Variants in TRMT1 observed in about 807,000 individuals in gnomAD.
TRMT1 encodes the protein tRNA (guanine(26)-N(2))-dimethyltransferase.
A neutral mutation model predicts 75.4 loss-of-function variants in TRMT1; 63 were observed. That is an observed-to-expected ratio of 0.84 (90% CI 0.68 to 1.03). The LOEUF (loss-of-function observed/expected upper bound fraction) is 1.03. Ranked by LOEUF, TRMT1 falls within the 50% of genes least tolerant of loss-of-function variation. TRMT1 has a pLI of 0.00. For synonymous variants in TRMT1, 382 were observed against 358.1 expected (o/e 1.07, Z -0.75); for missense variants, 870 against 905.3 (o/e 0.96, Z 0.50).
At chr19:13,114,016 T>G (rs1032644480) in intron 5 of TRMT1, among the ~76,000 whole-genome samples, 1 of 152,226 alleles carries the variant, frequency 6.6e-6, no homozygotes, top group South Asian at 2.1e-4. Flanking sequence ...AATGCTTGAT[T>G]ACAGGCATGA....
chr19:13,109,728 A>G, intron 10 of TRMT1, 41 bp downstream of exon 10: 1 of 1,613,960 alleles, frequency 6.2e-7, no homozygotes, highest in Admixed American at 1.7e-5. Context: ...TATGACCTTC[A>G]AGACCCTCTT....
At position 13,107,627 on chromosome 19, in the gene TRMT1, C is replaced by T; in HGVS notation, c.1530G>A (p.Arg510=). 1 of 1,608,400 alleles carries T rather than the reference C, an allele frequency of 6.2e-7. No individual in the cohort carries two copies. ...RCWEKECPVK[R]ERLSETSPAF... Reference sequence around the variant, plus strand: ...CTGGGCTAGTCTCTGATAGTCGCTCCCGTTTCACCGGACATTCCTTCTCCT... The same window carrying T: ...CTGGGCTAGTCTCTGATAGTCGCTCTCGTTTCACCGGACATTCCTTCTCCT... The change falls in exon 14 of 17, where the codon CGG becomes CGA. Residue 510 remains arginine (R), a synonymous_variant. Transcript: ENST00000357720.
In TRMT1 at chr19:13,109,763, C is replaced by T; in HGVS notation, c.1176+6G>A. 6.2e-7 allele frequency: 1 copy of T among 1,614,136 alleles called. No individual in the cohort carries two copies. Among genetic ancestry groups the T allele is most frequent in the Non-Finnish European group, 8.5e-7 (1 of 1,180,026 alleles). On this transcript the variant is annotated splice_donor_region_variant and intron_variant, in intron 10 of 16. Transcript: ENST00000357720. The stretch of plus-strand genomic sequence containing the variant: ...TGCTCCTTTGCCTCCCCTGGCCTAG[C>T]CCTACCTGGTGTCGTTGCCCACAGT...
At chr19:13,115,211 G>A (rs1599958599) in intron 5 of TRMT1, 68 bp downstream of exon 5, 4 of 1,510,442 alleles carry the variant, frequency 2.6e-6, no homozygotes, top group Non-Finnish European at 3.6e-6. Context: ...GAGTGAGAAT[G>A]TGACAGAGCC....
chr19:13,108,944 CAG>C (rs1191782829), intron 12 of TRMT1, among the ~76,000 whole-genome samples: 1 of 122,724 alleles, frequency 8.1e-6, no homozygotes, highest in Non-Finnish European at 1.6e-5. Flanking sequence ...TTTAAAGAGA[CAG>C]GGTCTCATTT....
chr19:13,110,348 A>T, intron 7 of TRMT1, 42 bp from the exon 8 acceptor site: 2 of 1,542,568 alleles, frequency 1.3e-6, no homozygotes, highest in Non-Finnish European at 1.8e-6. Flanking sequence ...TCCACTATCC[A>T]CCCACCCCAC....
At chr19:13,109,337 C>A (rs370228200) in intron 12 of TRMT1, 44 bp downstream of exon 12, 16 of 1,606,142 alleles carry the variant, frequency 1.0e-5, no homozygotes, top group Middle Eastern at 2.2e-4. Flanking sequence ...CCCAGGCCAC[C>A]CTGTGGTCTG....
chr19:13,112,049 G>A (rs373555290), intron 7 of TRMT1, among the ~76,000 whole-genome samples: 3 of 151,260 alleles, frequency 2.0e-5, no homozygotes, highest in African/African-American at 4.9e-5. Context: ...GGCGTGCAGC[G>A]GAGTGATCTT....
Position 13,105,034 on chromosome 19 carries a change from C to A in TRMT1, c.1881G>T (p.Pro627=). The A allele has an allele frequency of 6.2e-7, 1 of 1,609,936 alleles. No individual in the cohort carries two copies. The highest frequency in any genetic ancestry group is 8.5e-7 in the Non-Finnish European group (1 of 1,177,728). ...GDQCCYSHSP[P]TPRVSADAAP... ...CAGCATCAGCAGAAACCCTGGGTGT[C>A]GGGGGGCTGTGGGAGTAGCAGCACT... The change falls in exon 17 of 17, where the codon CCG becomes CCT. Residue 627 remains proline, a synonymous_variant. Transcript: ENST00000357720.
chr19:13,112,243 C>T (rs536075467), intron 7 of TRMT1, among the ~76,000 whole-genome samples: 2 of 152,128 alleles, frequency 1.3e-5, no homozygotes, highest in African/African-American at 4.8e-5. Flanking sequence ...CCTGCCTAGG[C>T]CTCCCAAAGT....
In TRMT1 at chr19:13,109,689, G is replaced by A; in HGVS notation, c.1177-5C>T. The A allele has an allele frequency of 3.7e-6, 6 of 1,613,890 alleles. No homozygotes were observed. The highest frequency in any genetic ancestry group is 5.1e-6 in the Non-Finnish European group (6 of 1,179,994). ...TGCCCACATGGGGCCACCAAGCTGG[G>A]GGCGCACCGGGGACAGGTGAGCAGG... On this transcript the variant is annotated splice_polypyrimidine_tract_variant and splice_region_variant and intron_variant, in intron 10 of 16. Coordinates refer to ENST00000357720, the MANE Select transcript of TRMT1 (RefSeq NM_001136035.4).
chr19:13,110,575 C>G (rs767125984), intron 7 of TRMT1, among the ~76,000 whole-genome samples: 34 of 152,256 alleles, frequency 2.2e-4, no homozygotes, highest in Non-Finnish European at 4.6e-4. Context: ...CTATTCTGAC[C>G]AGCATTATCG....
chr19:13,107,437 C>T lies in TRMT1; in HGVS notation c.1583+137G>A. ...TTACAGGCGTGAGCCACCTACCCAG[C>T]CCCAGTCAGCAGATTTTGAATCTCA... is the stretch of plus-strand genomic sequence containing the variant. On this transcript the variant is annotated intron_variant, in intron 14 of 16. Coordinates refer to ENST00000357720, the MANE Select transcript of TRMT1 (RefSeq NM_001136035.4). The T allele has an allele frequency of 9.2e-6, 10 of 1,091,288 alleles. No homozygotes were observed. The South Asian group carries it at 1.3e-4, about 14-fold the overall frequency. 67.6% of individuals were successfully genotyped at this position (1,091,288 alleles called of 1,614,324 possible). A position where few individuals can be genotyped will look rare whatever the true frequency, so the allele number is the denominator to read the frequency against.
chr19:13,109,312 A>C, intron 12 of TRMT1, 69 bp downstream of exon 12: 1 of 1,573,478 alleles, frequency 6.4e-7, no homozygotes, highest in Non-Finnish European at 8.7e-7. Flanking sequence ...TATGCATGAG[A>C]ATCCCTGGAC....
intron 5 of TRMT1, among the ~76,000 whole-genome samples, chr19:13,113,463 T>C (rs936821628): frequency 4.6e-5 from 7 of 151,384 alleles, no homozygotes; most frequent in Non-Finnish European, 1.0e-4. Context: ...TGCACTGGCC[T>C]TGGTCATTTA....
intron 12 of TRMT1, 150 bp downstream of exon 12, chr19:13,109,231 C>G: frequency 1.1e-6 from 1 of 892,520 alleles, no homozygotes; most frequent in South Asian, 1.7e-5. Flanking sequence ...CTTCCTGCCT[C>G]AGCCTCCCAA....
chr19:13,105,148 T>G, intron 16 of TRMT1, 67 bp from the exon 17 acceptor site: 1 of 1,547,714 alleles, frequency 6.5e-7, no homozygotes, highest in South Asian at 1.2e-5. Flanking sequence ...GATCCTTTCC[T>G]GGGATGGGAA....
chr19:13,116,488 C>T lies in TRMT1; in HGVS notation c.-32-57G>A, dbSNP rs568328534. On this transcript the variant is annotated intron_variant, in intron 1 of 16. Coordinates refer to ENST00000357720, the MANE Select transcript of TRMT1 (RefSeq NM_001136035.4). ...GGGTCAGAGAGCCGCATTCCGGGCC[C>T]GGGGATGTCCTACATATCTATGAGG... 1.5e-4 allele frequency: 219 copies of T among 1,503,124 alleles called. No individual in the cohort carries two copies. In the African/African-American group the frequency reaches 2.7e-3, roughly 19 times the overall value. The allele number at this position is 1,503,124 out of a possible 1,614,324, so 93.1% of individuals were successfully genotyped here.
At chr19:13,108,923 T>G (rs1010065220) in intron 12 of TRMT1, among the ~76,000 whole-genome samples, 9 of 150,616 alleles carry the variant, frequency 6.0e-5, no homozygotes, top group Admixed American at 6.6e-5. Context: ...TTTTTTTTTT[T>G]TTTTTTTTTT....
Sources: allele counts gnomAD v4.1 joint callset (sites outside exome capture counted in the v4.1 genomes callset), GRCh38; gene constraint gnomAD v4.1.1; transcripts MANE v1.5; gene names NCBI Gene and HGNC (gene_info 2026-07-23, HGNC 2026-07-21).